WDR44: variants seen among roughly 807,000 people sequenced by gnomAD.
The protein encoded by WDR44 is WD repeat-containing protein 44.
Under a neutral mutation model 65.7 loss-of-function variants are expected in WDR44, and 9 were observed. The observed-to-expected ratio is 0.14, with a 90% CI of 0.08 to 0.24. The LOEUF (loss-of-function observed/expected upper bound fraction) is 0.24, where lower values mean the gene tolerates loss of function less well. WDR44 is among the 10% of genes least tolerant of loss of function. The pLI, the probability that WDR44 is intolerant of heterozygous loss-of-function variation, is 1.00. For synonymous variants in WDR44, 220 were observed against 235.2 expected (o/e 0.94, Z 0.59); for missense variants, 425 against 670.9 (o/e 0.63, Z 4.05).
chrX:118,350,740 A>G (rs2056396712), intron 1 of WDR44, among the ~76,000 whole-genome samples: 1 of 112,253 alleles, frequency 8.9e-6, no homozygotes, highest in Non-Finnish European at 1.9e-5. Flanking sequence ...GTAAAAATAA[A>G]TGTAACATTT....
intron 1 of WDR44, among the ~76,000 whole-genome samples, chrX:118,377,415 C>T (rs376371069): frequency 1.5e-4 from 17 of 110,849 alleles, no homozygotes; most frequent in African/African-American, 2.9e-4. Context: ...TCTTCAAAAT[C>T]GATATAAATG....
chrX:118,363,989 A>T (rs2056532977), intron 1 of WDR44, among the ~76,000 whole-genome samples: 1 of 112,132 alleles, frequency 8.9e-6, no homozygotes, highest in African/African-American at 3.2e-5. Flanking sequence ...ACTTGGAAAG[A>T]TTACTGATTG....
At chrX:118,379,529 A>G (rs1211488223) in intron 2 of WDR44, among the ~76,000 whole-genome samples, 1 of 111,648 alleles carries the variant, frequency 9.0e-6, no homozygotes, top group Non-Finnish European at 1.9e-5. Flanking sequence ...TATTAAGTTC[A>G]AAAGCATGCC....
chrX:118,414,316 A>G (rs1219538196), intron 12 of WDR44, among the ~76,000 whole-genome samples: 1 of 79,953 alleles, frequency 1.3e-5, no homozygotes, highest in African/African-American at 5.2e-5. Context: ...CCATTACTGG[A>G]TATATACCCA....
chrX:118,349,790 C>T (rs1016842299), intron 1 of WDR44, among the ~76,000 whole-genome samples: 9 of 111,115 alleles, frequency 8.1e-5, no homozygotes, highest in African/African-American at 2.9e-4. Context: ...CCTCATGGTC[C>T]GCCCGCCTCG....
intron 3 of WDR44, among the ~76,000 whole-genome samples, chrX:118,388,058 C>T (rs186715387): frequency 3.7e-4 from 41 of 111,376 alleles, no homozygotes; most frequent in African/African-American, 1.1e-3. Flanking sequence ...TACTGGCACT[C>T]GACATTTTGG....
chrX:118,420,257 T>C (rs2147731360), intron 12 of WDR44, among the ~76,000 whole-genome samples: 1 of 111,205 alleles, frequency 9.0e-6, no homozygotes, highest in East Asian at 2.8e-4. Flanking sequence ...TAAAATTTTT[T>C]TTTCTTTTTT....
intron 7 of WDR44, among the ~76,000 whole-genome samples, 193 bp downstream of exon 7, chrX:118,397,299 A>G (rs942660934): frequency 9.0e-6 from 1 of 111,439 alleles, no homozygotes; most frequent in African/African-American, 3.3e-5. Flanking sequence ...TGGGGAAAAT[A>G]GTATAAATAT....
Position 118,444,351 on chromosome X carries a change from T to C in WDR44, c.2513-9T>C. On this transcript the variant is annotated splice_polypyrimidine_tract_variant and intron_variant, in intron 18 of 19. Transcript: ENST00000254029. Reference sequence around the variant, plus strand: ...TTGTCAGTTATCCTGAAGTAAATTTTTTCCACAGCCCACAATGCAGTTGTT... The same window carrying C: ...TTGTCAGTTATCCTGAAGTAAATTTCTTCCACAGCCCACAATGCAGTTGTT... The C allele has an allele frequency of 1.7e-6, 2 of 1,201,685 alleles. No homozygotes were observed. The highest frequency in any genetic ancestry group is 2.2e-6 in the Non-Finnish European group (2 of 889,252).
intron 11 of WDR44, 26 bp downstream of exon 11, chrX:118,409,653 A>G (rs370837334): frequency 1.7e-6 from 2 of 1,156,209 alleles, no homozygotes; most frequent in Non-Finnish European, 2.3e-6. Context: ...TTAAAAATCT[A>G]CAGAAACCTG....
chrX:118,394,617 A>G (rs932883503), intron 5 of WDR44, among the ~76,000 whole-genome samples: 1 of 109,896 alleles, frequency 9.1e-6, no homozygotes, highest in African/African-American at 3.3e-5. Flanking sequence ...TTTATATGCT[A>G]GGAAGCGGGC....
chrX:118,436,372 G>T (rs2057254804), intron 13 of WDR44, among the ~76,000 whole-genome samples: 1 of 112,089 alleles, frequency 8.9e-6, no homozygotes, highest in Admixed American at 9.5e-5. Flanking sequence ...TATACTGATA[G>T]CTAAGTTCCA....
intron 10 of WDR44, among the ~76,000 whole-genome samples, chrX:118,408,468 G>T (rs1473971393): frequency 1.8e-5 from 2 of 109,720 alleles, no homozygotes; most frequent in South Asian, 4.0e-4. Flanking sequence ...CGGGATCTCA[G>T]CTCACTGAAG....
chrX:118,389,573 T>G (rs939319353), intron 3 of WDR44, among the ~76,000 whole-genome samples: 40 of 108,982 alleles, frequency 3.7e-4, no homozygotes, highest in African/African-American at 1.3e-3. Context: ...ATACAAAAAT[T>G]AGCTGGGCGT....
chrX:118,395,407 A>G lies in WDR44; in HGVS notation c.1053+63A>G, dbSNP rs974161489. Reference sequence around the variant, plus strand: ...AAAGTACAAAAAACATAATGGGAAGATGAAAACGTTCTGGAGATGGATGGT... The same window carrying G: ...AAAGTACAAAAAACATAATGGGAAGGTGAAAACGTTCTGGAGATGGATGGT... On this transcript the variant is annotated intron_variant, in intron 6 of 19. Coordinates refer to ENST00000254029, the MANE Select transcript of WDR44 (RefSeq NM_019045.5). 37 of 960,198 alleles carry G rather than the reference A, an allele frequency of 3.9e-5. No individual in the cohort carries two copies. In the African/African-American group the frequency reaches 6.2e-4, roughly 16 times the overall value. The allele number at this position is 960,198 out of a possible 1,213,427, so 79.1% of individuals were successfully genotyped here.
At chrX:118,413,858 T>C (rs2057031982) in intron 12 of WDR44, among the ~76,000 whole-genome samples, 1 of 111,975 alleles carries the variant, frequency 8.9e-6, no homozygotes, top group Non-Finnish European at 1.9e-5. Flanking sequence ...GATTTTTGTA[T>C]AAAGTGAGAG....
At chrX:118,387,590 C>G (rs1260560195) in intron 3 of WDR44, among the ~76,000 whole-genome samples, 176 bp downstream of exon 3, 1 of 112,015 alleles carries the variant, frequency 8.9e-6, no homozygotes, top group Non-Finnish European at 1.9e-5. Context: ...TTTAGAAGTC[C>G]TTTTCATATT....
intron 1 of WDR44, among the ~76,000 whole-genome samples, chrX:118,352,352 A>ATATATATATATATTTTTTTTTT (rs1357425730): frequency 7.0e-5 from 1 of 14,224 alleles, no homozygotes; most frequent in African/African-American, 3.7e-4. Context: ...ATATATATAT[A>ATATATATATATATTTTTTTTTT]TTTTTTTTTT....
At chrX:118,421,314 C>G (rs1487536506) in intron 12 of WDR44, among the ~76,000 whole-genome samples, 1 of 112,260 alleles carries the variant, frequency 8.9e-6, no homozygotes, top group Non-Finnish European at 1.9e-5. Context: ...TAACCCCAAA[C>G]AGACCTAAGT....
Sources: allele counts gnomAD v4.1 joint callset (sites outside exome capture counted in the v4.1 genomes callset), GRCh38; gene constraint gnomAD v4.1.1; transcripts MANE v1.5; gene names NCBI Gene and HGNC (gene_info 2026-07-23, HGNC 2026-07-21).